Variants in AGXT2 observed in about 807,000 individuals in gnomAD.
AGXT2 encodes the protein alanine--glyoxylate aminotransferase 2.
Under a neutral mutation model 62.5 loss-of-function variants are expected in AGXT2, and 61 were observed. The ratio of observed to expected loss-of-function variants is 0.98; its 90% CI spans 0.79 to 1.21. The LOEUF is 1.21. Ranked by LOEUF, AGXT2 falls within the 50% of genes most tolerant of loss-of-function variation. The pLI is 0.00. For missense variants in AGXT2, 666 were observed against 641.5 expected (o/e 1.04, Z -0.41); for synonymous variants, 243 against 218.7 (o/e 1.11, Z -0.98).
rs1417663814 is a variant in AGXT2 at position 34,998,824 on chromosome 5, T to C, written c.1440A>G (p.Thr480=). 4 of 1,609,730 alleles carry C rather than the reference T, an allele frequency of 2.5e-6. No individual in the cohort carries two copies. The highest frequency in any genetic ancestry group is 3.4e-6 in the Non-Finnish European group (4 of 1,176,526). Residue 480 remains threonine, a splice_region_variant and synonymous_variant, in exon 14 of 14, where the codon ACA becomes ACG. Transcript: ENST00000231420. Reference sequence around the variant, plus strand: ...TGCACATTGAGGGCGCAATGCGAAATGTCTGAGGAGACACCAAAAAATAAG... The same window carrying C: ...TGCACATTGAGGGCGCAATGCGAAACGTCTGAGGAGACACCAAAAAATAAG... ...LVGRGSIFSQ[T]FRIAPSMCIT...
At chr5:35,027,084 T>C (rs1204662958) in intron 7 of AGXT2, 2 of 866,730 alleles carry the variant, frequency 2.3e-6, no homozygotes, top group African/African-American at 3.7e-5. Flanking sequence ...TGTGCTTGTT[T>C]TTAACAGGAC....
chr5:35,016,329 T>A (rs1035250468), intron 9 of AGXT2, among the ~76,000 whole-genome samples: 3 of 152,222 alleles, frequency 2.0e-5, no homozygotes, highest in Non-Finnish European at 4.4e-5. Flanking sequence ...TTAACTGCTT[T>A]TGTTTATCTC....
At chr5:35,045,845 G>A (rs1282443843) in intron 1 of AGXT2, among the ~76,000 whole-genome samples, 1 of 141,410 alleles carries the variant, frequency 7.1e-6, no homozygotes, top group Non-Finnish European at 1.5e-5. Flanking sequence ...TCCGCTCACT[G>A]CAAGCTCCGA....
chr5:35,035,890 A>G (rs1420936071), intron 4 of AGXT2, among the ~76,000 whole-genome samples: 2 of 152,184 alleles, frequency 1.3e-5, no homozygotes, highest in African/African-American at 4.8e-5. Context: ...CAGCCTGGCC[A>G]TCATGGTGAA....
intron 6 of AGXT2, 35 bp from the exon 7 acceptor site, chr5:35,032,860 T>G (rs769565817): frequency 1.3e-6 from 2 of 1,559,556 alleles, no homozygotes; most frequent in Non-Finnish European, 1.7e-6. Context: ...TGGCAAAGCA[T>G]GAACACAAGA....
intron 1 of AGXT2, among the ~76,000 whole-genome samples, 160 bp from the exon 2 acceptor site, chr5:35,040,823 T>C (rs565406839): frequency 6.6e-6 from 1 of 152,248 alleles, no homozygotes; most frequent in South Asian, 2.1e-4. Context: ...TCTGAGTATC[T>C]CAATAATGAG....
chr5:35,011,793 G>T (rs540800973), intron 11 of AGXT2, among the ~76,000 whole-genome samples: 96 of 151,894 alleles, frequency 6.3e-4, no homozygotes, highest in African/African-American at 2.3e-3. Flanking sequence ...GGAAAAAAAA[G>T]CCATTATATC....
In AGXT2 at chr5:35,047,841, C is replaced by A. The variant is rs548090207; in HGVS notation, c.52G>T (p.Ala18Ser). 1 of 1,613,998 alleles carries A rather than the reference C, an allele frequency of 6.2e-7. No homozygotes were observed. The highest frequency in any genetic ancestry group is 8.5e-7 in the Non-Finnish European group (1 of 1,179,976). The stretch of plus-strand genomic sequence containing the variant: ...GGATGCATCTCAAGGATCCTGGGAG[C>A]GGAAGTGACCAGGCACAAGGGTCTC... ...LLRPLCLVTS[A>S]PRILEMHPFL... is the part of the protein sequence containing the mutation. The change falls in exon 1 of 14, where the codon GCT (alanine) becomes TCT (serine). Residue 18 changes from alanine (A) to serine (S), a missense_variant. Transcript: ENST00000231420.
intron 13 of AGXT2, among the ~76,000 whole-genome samples, chr5:35,002,849 T>C (rs1766284978): frequency 6.6e-6 from 1 of 152,100 alleles, no homozygotes; most frequent in African/African-American, 2.4e-5. Context: ...TTTTGCCTGA[T>C]AGTTTCAATT....
At chr5:35,037,657 T>A (rs1408891566) in intron 3 of AGXT2, among the ~76,000 whole-genome samples, 1 of 152,168 alleles carries the variant, frequency 6.6e-6, no homozygotes, top group Non-Finnish European at 1.5e-5. Flanking sequence ...GCTCAAGAGA[T>A]CCTCCTGTCT....
chr5:35,010,294 A>G (rs1766582395), intron 11 of AGXT2, 145 bp from the exon 12 acceptor site: 4 of 1,083,014 alleles, frequency 3.7e-6, no homozygotes, highest in Non-Finnish European at 2.8e-6. Flanking sequence ...AAGGACTACA[A>G]AAAGATCTGT....
intron 1 of AGXT2, 65 bp downstream of exon 1, chr5:35,047,740 C>T (rs40201): frequency 0.26 from 406,549 of 1,578,702 alleles, 54,384 homozygotes; most frequent in South Asian, 0.42. Flanking sequence ...CAGCAGCCTT[C>T]GGAGCTCAAG....
intron 12 of AGXT2, among the ~76,000 whole-genome samples, chr5:35,006,886 A>G (rs1580570994): frequency 6.6e-6 from 1 of 152,154 alleles, no homozygotes; most frequent in Non-Finnish European, 1.5e-5. Context: ...TAATTGAGAA[A>G]CACAAAGCAC....
At position 35,021,220 on chromosome 5, in the gene AGXT2, T is replaced by C. The variant is rs550995179; in HGVS notation, c.963+4543A>G. ...ACTTTCTTCACAGAATTGAAAAAAC[T>C]ACTTCAAAGTTCATATGGAACCAAA... is the stretch of plus-strand genomic sequence containing the variant. On this transcript the variant is annotated intron_variant, in intron 9 of 13. Transcript: ENST00000231420. 1.0e-3 allele frequency among the ~76,000 whole-genome samples: 159 copies of C among 152,292 alleles called. 1 individual carries two copies. Among genetic ancestry groups the C allele is most frequent in the South Asian group, 6.4e-3 (31 of 4,826 alleles).
Position 35,025,984 on chromosome 5 carries a change from G to T in AGXT2, c.871-129C>A, listed in dbSNP as rs148285113. On this transcript the variant is annotated intron_variant, in intron 8 of 13. Transcript: ENST00000231420. ...CTAGCAATTTTAACAACAGTCTGTA[G>T]AACAGTTTCCACTGTGGGTGAAAAG... 666 of 801,452 alleles carry T rather than the reference G, an allele frequency of 8.3e-4. 3 individuals are homozygous for T. In the East Asian group the frequency reaches 0.016, roughly 20 times the overall value. 49.6% of individuals were successfully genotyped at this position (801,452 alleles called of 1,614,324 possible).
At chr5:35,018,445 A>T (rs1234600331) in intron 9 of AGXT2, among the ~76,000 whole-genome samples, 1 of 152,214 alleles carries the variant, frequency 6.6e-6, no homozygotes, top group Non-Finnish European at 1.5e-5. Flanking sequence ...AAGAATTTTA[A>T]ACCCAGAATT....
At chr5:35,018,297 G>GA (rs541825308) in intron 9 of AGXT2, among the ~76,000 whole-genome samples, 140 of 152,184 alleles carry the variant, frequency 9.2e-4, no homozygotes, top group African/African-American at 3.3e-3. Flanking sequence ...TGAAATGAAG[G>GA]AAAAAATGTT....
At chr5:35,021,161 C>T (rs1298077289) in intron 9 of AGXT2, among the ~76,000 whole-genome samples, 6 of 152,142 alleles carry the variant, frequency 3.9e-5, no homozygotes, top group African/African-American at 7.2e-5. Flanking sequence ...AGGTAATTTA[C>T]AGATTCAATG....
rs543507168 is a variant in AGXT2, at chr5:35,000,552, T to C, written c.1438-1726A>G. Among the ~76,000 whole-genome samples, 12 of 152,242 alleles carry C rather than the reference T, an allele frequency of 7.9e-5. No individual in the cohort carries two copies. The South Asian group carries it at 2.3e-3, about 29-fold the overall frequency. ...TGTGCCACCACACTCAGCTAATTTTTTATATTTTTGGTAGAGACAGGGCTT... is the reference window on the plus strand; with the variant it reads ...TGTGCCACCACACTCAGCTAATTTTCTATATTTTTGGTAGAGACAGGGCTT... On this transcript the variant is annotated intron_variant, in intron 13 of 13. Coordinates refer to ENST00000231420, the MANE Select transcript of AGXT2 (RefSeq NM_031900.4).
Sources: gnomAD v4.1 joint callset for allele counts (sites outside exome capture counted in the v4.1 genomes callset) on GRCh38, gnomAD v4.1.1 for gene constraint, MANE v1.5 for transcripts, NCBI Gene and HGNC (gene_info 2026-07-23, HGNC 2026-07-21) for gene names.